POLN: variants seen among roughly 807,000 people sequenced by gnomAD.
The protein encoded by POLN is DNA polymerase nu, also known as DNA polymerase N.
POLN carries 108 observed loss-of-function variants against 113.5 expected under a neutral mutation model. The ratio of observed to expected loss-of-function variants is 0.95; its 90% confidence interval spans 0.81 to 1.12. The LOEUF (loss-of-function observed/expected upper bound fraction) is 1.12, where lower values mean the gene tolerates loss of function less well. Among genes scored for constraint, POLN ranks in the 50% most tolerant of loss-of-function variants. The probability of loss-of-function intolerance (pLI) is 0.00; values close to 1 mark genes in which losing one functional copy is unlikely to be tolerated. For synonymous variants in POLN, 386 were observed against 391.5 expected (o/e 0.99, Z 0.17); for missense variants, 1,097 against 1,077.1 (o/e 1.02, Z -0.26).
intron 16 of POLN, chr4:2,156,517 G>C (rs1240951688): frequency 1.7e-6 from 1 of 581,422 alleles, no homozygotes; most frequent in African/African-American, 1.9e-5. Flanking sequence ...AGGAAGATGG[G>C]GTACGGGTGT....
At chr4:2,240,605 G>C in intron 2 of POLN, 2 of 1,613,004 alleles carry the variant, frequency 1.2e-6, no homozygotes, top group African/African-American at 1.3e-5. Context: ...GAATTTTTAG[G>C]TTCTTTAATT....
chr4:2,089,420 A>G, intron 20 of POLN: 2 of 1,392,300 alleles, frequency 1.4e-6, no homozygotes, highest in East Asian at 2.5e-5. Context: ...GACTGGTTAC[A>G]AAGGTCAGAC....
chr4:2,170,826 C>T (rs370379549), intron 12 of POLN, 52 bp from the exon 13 acceptor site: 93 of 1,492,098 alleles, frequency 6.2e-5, no homozygotes, highest in Non-Finnish European at 7.9e-5. Context: ...TTGAGAGAAA[C>T]AGAACATTAC....
intron 5 of POLN, among the ~76,000 whole-genome samples, chr4:2,203,685 A>G (rs1355779629): frequency 6.6e-6 from 1 of 152,134 alleles, no homozygotes; most frequent in Non-Finnish European, 1.5e-5. Context: ...AAAGAGCACA[A>G]TCTAAGGTCA....
At chr4:2,081,277 C>A (rs2108689464) in intron 22 of POLN, 2 of 1,214,700 alleles carry the variant, frequency 1.6e-6, no homozygotes, top group Non-Finnish European at 1.2e-6. Context: ...CTCACCCCTG[C>A]CAGGCATGCA....
At chr4:2,107,289 T>C (rs528161201) in intron 19 of POLN, among the ~76,000 whole-genome samples, 3 of 152,216 alleles carry the variant, frequency 2.0e-5, no homozygotes, top group Non-Finnish European at 2.9e-5. Context: ...CACCAAATGA[T>C]GGGTTCACTT....
At chr4:2,162,452 C>T (rs553453695) in intron 13 of POLN, among the ~76,000 whole-genome samples, 2 of 152,282 alleles carry the variant, frequency 1.3e-5, no homozygotes, top group East Asian at 1.9e-4. Context: ...TAACACTCAC[C>T]GCGAGGGTCT....
intron 19 of POLN, among the ~76,000 whole-genome samples, chr4:2,096,767 C>T (rs116057809): frequency 0.011 from 1,690 of 151,578 alleles, 37 homozygotes; most frequent in African/African-American, 0.039. Flanking sequence ...ACAGAAACTT[C>T]TCCCAATCTG....
At chr4:2,172,112 C>G (rs188594529) in intron 11 of POLN, among the ~76,000 whole-genome samples, 1 of 152,276 alleles carries the variant, frequency 6.6e-6, no homozygotes, top group Admixed American at 6.5e-5. Context: ...AAAAGCTAAT[C>G]GATCCCACTA....
intron 5 of POLN, among the ~76,000 whole-genome samples, chr4:2,200,075 T>C (rs540370666): frequency 2.0e-5 from 3 of 152,272 alleles, no homozygotes; most frequent in African/African-American, 4.8e-5. Flanking sequence ...GAAAACTCAA[T>C]ACTATTATAT....
Position 2,173,959 on chromosome 4 carries a change from A to G in POLN, c.1370T>C (p.Leu457Pro). ...KEEMEKTSALLGARLKELEQE... is the reference protein window; with the variant it reads ...KEEMEKTSALPGARLKELEQE... The stretch of plus-strand genomic sequence containing the variant: ...CCATCTGGAATAATAACTTACCCCA[A>G]GAAGTGCTGACGTCTTCTCCATCTC... Residue 457 changes from leucine to proline, a missense_variant, in exon 11 of 26, where the codon CTT (leucine) becomes CCT (proline). By Grantham distance (98) the Leu-to-Pro change is moderately conservative. Transcript: ENST00000511885. 1.2e-6 allele frequency: 2 copies of G among 1,614,182 alleles called. No individual in the cohort carries two copies. The highest frequency in any genetic ancestry group is 1.7e-6 in the Non-Finnish European group (2 of 1,179,986).
chr4:2,079,734 G>C, intron 23 of POLN: 1 of 722,026 alleles, frequency 1.4e-6, no homozygotes, highest in Non-Finnish European at 1.7e-6. Context: ...ACAGGTGTGC[G>C]CCACCACACC....
At chr4:2,111,929 T>A (rs993662388) in intron 19 of POLN, among the ~76,000 whole-genome samples, 4 of 152,096 alleles carry the variant, frequency 2.6e-5, no homozygotes, top group Non-Finnish European at 4.4e-5. Context: ...CATTGCCAAG[T>A]CAATCCTAAG....
chr4:2,233,461 T>C (rs1192874899), intron 2 of POLN, among the ~76,000 whole-genome samples: 1 of 152,054 alleles, frequency 6.6e-6, no homozygotes, highest in Non-Finnish European at 1.5e-5. Flanking sequence ...TTTTAACATA[T>C]CTGAAATGAA....
intron 3 of POLN, among the ~76,000 whole-genome samples, chr4:2,216,392 A>G (rs1375968467): frequency 6.6e-6 from 1 of 152,192 alleles, no homozygotes; most frequent in Non-Finnish European, 1.5e-5. Flanking sequence ...ACACAAACCA[A>G]GGACACTGCA....
chr4:2,215,493 C>T (rs1011083516), intron 3 of POLN, among the ~76,000 whole-genome samples: 1 of 152,152 alleles, frequency 6.6e-6, no homozygotes, highest in South Asian at 2.1e-4. Flanking sequence ...TGAGCATGGT[C>T]CTACAGATGT....
chr4:2,178,715 A>G (rs778079441), intron 8 of POLN, among the ~76,000 whole-genome samples: 4 of 151,674 alleles, frequency 2.6e-5, no homozygotes, highest in African/African-American at 9.7e-5. Flanking sequence ...AGGTTCAAGC[A>G]ATTCTCCTGC....
chr4:2,089,693 C>A (rs1034890000), intron 20 of POLN: 9 of 688,582 alleles, frequency 1.3e-5, no homozygotes, highest in Non-Finnish European at 2.0e-5. Flanking sequence ...TTTTAAAAAT[C>A]AGATAGTGAA....
chr4:2,177,743 C>T (rs1401805846), intron 8 of POLN, among the ~76,000 whole-genome samples: 2 of 152,258 alleles, frequency 1.3e-5, no homozygotes. Context: ...GGAGAAGTCT[C>T]CCTGCCTGAC....
Sources: allele counts gnomAD v4.1 joint callset (sites outside exome capture counted in the v4.1 genomes callset), GRCh38; gene constraint gnomAD v4.1.1; transcripts MANE v1.5; gene names NCBI Gene and HGNC (gene_info 2026-07-23, HGNC 2026-07-21).